Variants in TRAPPC9 observed in about 807,000 individuals in gnomAD.
TRAPPC9 encodes IKK2 binding protein.
A neutral mutation model predicts 124.0 loss-of-function variants in TRAPPC9; 83 were observed. That is an observed-to-expected ratio of 0.67 (90% CI 0.56 to 0.80). The LOEUF (loss-of-function observed/expected upper bound fraction) is 0.80, where lower values mean the gene tolerates loss of function less well. Ranked by LOEUF, TRAPPC9 falls within the 30% of genes least tolerant of loss-of-function variation. The pLI is 0.00. For missense variants in TRAPPC9, 1,302 were observed against 1,508.3 expected (o/e 0.86, Z 2.27); for synonymous variants, 638 against 617.5 (o/e 1.03, Z -0.49).
chr8:140,132,351 T>A (rs540715569), intron 17 of TRAPPC9, among the ~76,000 whole-genome samples: 4 of 152,364 alleles, frequency 2.6e-5, no homozygotes. Context: ...TTTCTAATCT[T>A]GACACCCACG....
chr8:139,740,432 C>T (rs1405093585), intron 21 of TRAPPC9, among the ~76,000 whole-genome samples: 4 of 152,214 alleles, frequency 2.6e-5, no homozygotes, highest in Non-Finnish European at 5.9e-5. Context: ...AGGGGGCCAC[C>T]GTGGGGCTGA....
intron 17 of TRAPPC9, among the ~76,000 whole-genome samples, chr8:140,070,551 G>A (rs1843106962): frequency 6.6e-6 from 1 of 152,196 alleles, no homozygotes; most frequent in Non-Finnish European, 1.5e-5. Context: ...GAAAAATGAT[G>A]AGAAAAACCA....
upstream of TRAPPC9, chr8:140,458,483 G>A (rs1416623710): frequency 3.8e-6 from 6 of 1,574,296 alleles, no homozygotes; most frequent in Admixed American, 1.8e-5. Flanking sequence ...CGCAGGGCCC[G>A]GGAGGCACGT....
chr8:140,273,017 C>T (rs1245875858), intron 15 of TRAPPC9, among the ~76,000 whole-genome samples: 1 of 152,200 alleles, frequency 6.6e-6, no homozygotes, highest in Non-Finnish European at 1.5e-5. Context: ...CACATATTAT[C>T]TCATTTAATT....
intron 18 of TRAPPC9, among the ~76,000 whole-genome samples, chr8:140,016,044 T>C (rs1309554406): frequency 6.6e-6 from 1 of 152,190 alleles, no homozygotes; most frequent in African/African-American, 2.4e-5. Context: ...CCTCCCACTG[T>C]GGGTGGTGAA....
intron 21 of TRAPPC9, among the ~76,000 whole-genome samples, chr8:139,739,116 G>C (rs186212824): frequency 6.6e-6 from 1 of 152,086 alleles, no homozygotes; most frequent in East Asian, 1.9e-4. Context: ...CATCTCGACC[G>C]GGCACCACGG....
intron 8 of TRAPPC9, among the ~76,000 whole-genome samples, chr8:140,367,248 T>A (rs765573012): frequency 6.6e-6 from 1 of 152,238 alleles, no homozygotes; most frequent in African/African-American, 2.4e-5. Context: ...TGAAAACTTA[T>A]ATCCACACAA....
chr8:140,404,909 C>CGTGTGTGTGTGTGTGT (rs71320356), intron 6 of TRAPPC9, among the ~76,000 whole-genome samples: 3,856 of 119,782 alleles, frequency 0.032, 87 homozygotes, highest in Non-Finnish European at 0.043. Context: ...TGTGAGCATG[C>CGTGTGTGTGTGTGTGT]GTGTGTGTGT....
chr8:140,330,591 C>T lies in TRAPPC9; in HGVS notation c.1496-19217G>A, dbSNP rs574047454. Among the ~76,000 whole-genome samples, 6 of 152,200 alleles carry T rather than the reference C, an allele frequency of 3.9e-5. No individual in the cohort carries two copies. The South Asian group carries it at 1.2e-3, about 32-fold the overall frequency. ...CTTTCAGGTTTATAAACATGTTCTA[C>T]CAAAATGAAAGGTAATTGTGTTAAA... On this transcript the variant is annotated intron_variant, in intron 9 of 22. Transcript: ENST00000438773.
chr8:140,111,281 C>T (rs1180887270), intron 17 of TRAPPC9, among the ~76,000 whole-genome samples: 2 of 152,048 alleles, frequency 1.3e-5, no homozygotes, highest in Non-Finnish European at 2.9e-5. Context: ...GTGAGGTCAG[C>T]TCCTCCTACC....
chr8:139,875,983 G>A (rs909739638), intron 21 of TRAPPC9, among the ~76,000 whole-genome samples: 2 of 152,256 alleles, frequency 1.3e-5, no homozygotes, highest in Admixed American at 6.5e-5. Flanking sequence ...TGCCACCATC[G>A]GTGCGGCTGT....
intron 15 of TRAPPC9, among the ~76,000 whole-genome samples, chr8:140,255,070 G>T (rs1021427640): frequency 6.6e-6 from 1 of 152,232 alleles, no homozygotes; most frequent in Admixed American, 6.5e-5. Flanking sequence ...CCATGGCACG[G>T]TCCTGCAGAA....
intron 22 of TRAPPC9, 115 bp downstream of exon 22, chr8:139,731,864 C>A: frequency 1.0e-6 from 1 of 977,430 alleles, no homozygotes; most frequent in African/African-American, 1.6e-5. Flanking sequence ...CCACAGAACC[C>A]CTGCTGCTAT....
intron 19 of TRAPPC9, among the ~76,000 whole-genome samples, chr8:139,975,589 A>T (rs1366408051): frequency 1.3e-5 from 2 of 152,178 alleles, no homozygotes; most frequent in Non-Finnish European, 2.9e-5. Context: ...ATTCCTCATT[A>T]AAAAATATAA....
intron 13 of TRAPPC9, among the ~76,000 whole-genome samples, chr8:140,284,507 G>C (rs2065429633): frequency 6.6e-6 from 1 of 152,118 alleles, no homozygotes; most frequent in Non-Finnish European, 1.5e-5. Context: ...TGGCAGATGT[G>C]CTGTGTGTGT....
At chr8:140,412,485 A>G (rs1372402962) in intron 5 of TRAPPC9, among the ~76,000 whole-genome samples, 1 of 152,184 alleles carries the variant, frequency 6.6e-6, no homozygotes, top group South Asian at 2.1e-4. Flanking sequence ...AAGGTATTGA[A>G]TGCATCAACG....
At chr8:139,797,586 C>T (rs1170534051) in intron 21 of TRAPPC9, among the ~76,000 whole-genome samples, 2 of 152,172 alleles carry the variant, frequency 1.3e-5, no homozygotes, top group South Asian at 2.1e-4. Flanking sequence ...TTTCTGCTTG[C>T]ACTTCTTGTG....
intron 17 of TRAPPC9, among the ~76,000 whole-genome samples, chr8:140,134,585 G>A (rs2061268501): frequency 6.6e-6 from 1 of 152,130 alleles, no homozygotes; most frequent in Non-Finnish European, 1.5e-5. Flanking sequence ...TCAAGTTTAT[G>A]CAATGAGGAA....
At chr8:139,996,206 T>C (rs964194647) in intron 18 of TRAPPC9, among the ~76,000 whole-genome samples, 20 of 43,370 alleles carry the variant, frequency 4.6e-4, no homozygotes, top group African/African-American at 1.5e-3. Flanking sequence ...AAAAGAAAAA[T>C]TCACCACATG....
Sources: allele counts gnomAD v4.1 joint callset (sites outside exome capture counted in the v4.1 genomes callset), GRCh38; gene constraint gnomAD v4.1.1; transcripts MANE v1.5; gene names NCBI Gene and HGNC (gene_info 2026-07-23, HGNC 2026-07-21).